Variants in ZNF519 observed in about 807,000 individuals in gnomAD.
The protein encoded by ZNF519 is similar to Zinc finger protein 85 (Zinc finger protein HPF4) (HTF1).
In ZNF519, 7 loss-of-function variants were observed where a neutral mutation model predicts 7.4. The ratio of observed to expected loss-of-function variants is 0.94; its 90% CI spans 0.54 to 1.77. The LOEUF is 1.77. Ranked by LOEUF, ZNF519 falls within the 40% of genes most tolerant of loss-of-function variation. ZNF519 has a pLI of 0.00. For synonymous variants in ZNF519, 179 were observed against 203.3 expected (o/e 0.88, Z 1.02); for missense variants, 586 against 623.1 (o/e 0.94, Z 0.63).
chr18:14,073,222 G>C (rs2046034359), downstream of ZNF519: 1 of 151,374 alleles, frequency 6.6e-6, no homozygotes, highest in Non-Finnish European at 1.5e-5. Flanking sequence ...AGAAAAGTTT[G>C]CATGGAAATT....
intron 2 of ZNF519, among the ~76,000 whole-genome samples, chr18:14,088,965 TA>T (rs1183629433): frequency 6.6e-6 from 1 of 151,962 alleles, no homozygotes; most frequent in African/African-American, 2.4e-5. Context: ...AATTTTTTTT[TA>T]AACTCATGTC....
chr18:14,114,136 A>C (rs149289692), intron 2 of ZNF519, among the ~76,000 whole-genome samples: 10 of 152,178 alleles, frequency 6.6e-5, no homozygotes, highest in African/African-American at 2.2e-4. Flanking sequence ...AAAGTTCTTT[A>C]ACTTGATGTG....
At chr18:14,109,351 A>AT (rs551179442) in intron 2 of ZNF519, among the ~76,000 whole-genome samples, 13 of 152,280 alleles carry the variant, frequency 8.5e-5, no homozygotes, top group Admixed American at 4.6e-4. Context: ...AATCTGTGCT[A>AT]TAAACCAAAT....
intron 2 of ZNF519, 135 bp from the exon 3 acceptor site, chr18:14,106,544 C>T: frequency 1.6e-6 from 1 of 636,512 alleles, no homozygotes; most frequent in Non-Finnish European, 2.4e-6. Flanking sequence ...AAGGACAGAG[C>T]AAGATGGCTA....
At chr18:14,082,048 AAT>A (rs1378213180) in intron 3 of ZNF519, 4 of 147,420 alleles carry the variant, frequency 2.7e-5, no homozygotes, top group African/African-American at 1.1e-4. Flanking sequence ...TACATAAAAA[AAT>A]AAATAAAATT....
intron 2 of ZNF519, among the ~76,000 whole-genome samples, chr18:14,093,643 G>GC (rs1208204417): frequency 6.6e-6 from 1 of 152,192 alleles, no homozygotes; most frequent in Non-Finnish European, 1.5e-5. Flanking sequence ...GTTCAGAGTG[G>GC]CTCCAGGGCT....
intron 2 of ZNF519, among the ~76,000 whole-genome samples, chr18:14,115,767 T>C (rs2046243366): frequency 6.6e-6 from 1 of 152,160 alleles, no homozygotes; most frequent in South Asian, 2.1e-4. Flanking sequence ...ATAAATACAT[T>C]TTTTAAGACT....
At position 14,132,417 on chromosome 18, in the gene ZNF519, C is replaced by T. The variant is rs2046335962; in HGVS notation, c.-140G>A. 3 of 1,075,420 alleles carry T rather than the reference C, an allele frequency of 2.8e-6. No individual in the cohort carries two copies. The highest frequency in any genetic ancestry group is 2.9e-5 in the South Asian group (2 of 69,540). 66.6% of individuals were successfully genotyped at this position (1,075,420 alleles called of 1,614,324 possible). A position where few individuals can be genotyped will look rare whatever the true frequency, so the allele number is the denominator to read the frequency against. On this transcript the variant is annotated 5_prime_UTR_variant, in exon 1 of 3. Transcript: ENST00000590202. Reference sequence around the variant, plus strand: ...AAGGCAATGAAGCCCTAACCCCGCGCTCTGGCTGAAGTGAGACAAAGGCCG... The same window carrying T: ...AAGGCAATGAAGCCCTAACCCCGCGTTCTGGCTGAAGTGAGACAAAGGCCG...
At chr18:14,088,083 A>T (rs2046099142) in intron 2 of ZNF519, among the ~76,000 whole-genome samples, 1 of 152,236 alleles carries the variant, frequency 6.6e-6, no homozygotes, top group Non-Finnish European at 1.5e-5. Context: ...AGGAGGATAG[A>T]GAAACTTCAG....
At chr18:14,125,878 G>A (rs910985425) in intron 1 of ZNF519, among the ~76,000 whole-genome samples, 4 of 152,130 alleles carry the variant, frequency 2.6e-5, no homozygotes, top group African/African-American at 9.6e-5. Flanking sequence ...TACAGCCGGG[G>A]TTTCATCATG....
chr18:14,075,730 C>T (rs549893622), downstream of ZNF519: 7 of 152,264 alleles, frequency 4.6e-5, no homozygotes, highest in African/African-American at 1.7e-4. Context: ...TGCCACATCC[C>T]TAGAGGACAT....
At chr18:14,079,227 T>C (rs1598506111) in intron 3 of ZNF519, among the ~76,000 whole-genome samples, 1 of 152,182 alleles carries the variant, frequency 6.6e-6, no homozygotes, top group Non-Finnish European at 1.5e-5. Flanking sequence ...GGGAGACCTG[T>C]AGTCCAATAA....
At chr18:14,122,518 A>G (rs1425080384) in intron 2 of ZNF519, 2 of 152,136 alleles carry the variant, frequency 1.3e-5, no homozygotes, top group Non-Finnish European at 2.9e-5. Context: ...TGTATCCAAA[A>G]CCAATGGAAA....
chr18:14,075,920 CCA>C (rs1319940057), downstream of ZNF519: 2 of 152,004 alleles, frequency 1.3e-5, no homozygotes, highest in Non-Finnish European at 2.9e-5. Context: ...ACACCACACA[CCA>C]CACACCACAC....
chr18:14,126,653 G>C (rs45500598), intron 1 of ZNF519, among the ~76,000 whole-genome samples: 2 of 152,190 alleles, frequency 1.3e-5, no homozygotes, highest in Admixed American at 6.5e-5. Flanking sequence ...AATAGAAGCA[G>C]GTAGCTTATT....
chr18:14,122,455 T>C (rs1265900740), intron 2 of ZNF519: 1 of 152,082 alleles, frequency 6.6e-6, no homozygotes, highest in African/African-American at 2.4e-5. Flanking sequence ...GCAAAAAGAA[T>C]ATCTGAAAAA....
intron 2 of ZNF519, among the ~76,000 whole-genome samples, chr18:14,093,734 A>G (rs1418661977): frequency 6.6e-6 from 1 of 152,204 alleles, no homozygotes; most frequent in Non-Finnish European, 1.5e-5. Flanking sequence ...GAAACAGCTG[A>G]ATTGGTTACA....
Position 14,105,117 on chromosome 18 carries a change from G to C in ZNF519, c.1423C>G (p.Leu475Val). 1 of 1,613,454 alleles carries C rather than the reference G, an allele frequency of 6.2e-7. No homozygotes were observed. Among genetic ancestry groups the C allele is most frequent in the South Asian group, 1.1e-5 (1 of 90,974 alleles). Reference sequence around the variant, plus strand: ...GTATGGACTCTCTGATGTTGAGTAAGGTGTGAGCCCCAGATAAAAGCTTTG... The same window carrying C: ...GTATGGACTCTCTGATGTTGAGTAACGTGTGAGCCCCAGATAAAAGCTTTG... ...CGKAFIWGSH[L>V]TQHQRVHTGE... The change falls in exon 3 of 3, where the codon CTT becomes GTT. Residue 475 changes from leucine to valine, a missense_variant. Transcript: ENST00000590202.
Position 14,105,981 on chromosome 18 carries a change from C to T in ZNF519, c.559G>A (p.Glu187Lys). 1 of 1,590,236 alleles carries T rather than the reference C, an allele frequency of 6.3e-7. No homozygotes were observed. Among genetic ancestry groups the T allele is most frequent in the Non-Finnish European group, 8.6e-7 (1 of 1,165,204 alleles). The stretch of plus-strand genomic sequence containing the variant: ...TTTGAGGATTGGTAAAATACTTTTT[C>T]ACATTCATTACAATTGTAATAGTTT... ...LENYYNCNEC[E>K]KVFYQSSKLI... The change falls in exon 3 of 3, where the codon GAA (glutamate) becomes AAA (lysine). Residue 187 changes from glutamate (E) to lysine (K), a missense_variant. Glu to Lys is a moderately conservative substitution (Grantham distance 56). Coordinates refer to ENST00000590202, the MANE Select transcript of ZNF519 (RefSeq NM_145287.4).
Sources: gnomAD v4.1 joint callset for allele counts (sites outside exome capture counted in the v4.1 genomes callset) on GRCh38, gnomAD v4.1.1 for gene constraint, MANE v1.5 for transcripts, NCBI Gene and HGNC (gene_info 2026-07-23, HGNC 2026-07-21) for gene names.